Variants in SLC39A14 observed in about 807,000 individuals in gnomAD.
SLC39A14 encodes solute carrier family 39 member 14.
SLC39A14 carries 19 observed loss-of-function variants against 45.5 expected under a neutral mutation model. That is an observed-to-expected ratio of 0.42 (90% CI 0.29 to 0.61). The LOEUF (loss-of-function observed/expected upper bound fraction) is 0.61, where lower values mean the gene tolerates loss of function less well. Among genes scored for constraint, SLC39A14 ranks in the 20% least tolerant of loss-of-function variants. SLC39A14 has a pLI of 0.22. For missense variants in SLC39A14, 447 were observed against 616.5 expected (o/e 0.73, Z 2.91); for synonymous variants, 264 against 251.3 (o/e 1.05, Z -0.48).
intron 2 of SLC39A14, among the ~76,000 whole-genome samples, chr8:22,407,361 T>C (rs1835284508): frequency 6.6e-6 from 1 of 152,096 alleles, no homozygotes; most frequent in Non-Finnish European, 1.5e-5. Flanking sequence ...GGTGTTTTCT[T>C]TCTCTTTTGT....
intron 1 of SLC39A14, among the ~76,000 whole-genome samples, chr8:22,388,402 A>C (rs1487071169): frequency 1.3e-5 from 2 of 151,810 alleles, no homozygotes; most frequent in African/African-American, 4.8e-5. Context: ...GAGGGGTAGG[A>C]CATTTCAGAT....
intron 1 of SLC39A14, among the ~76,000 whole-genome samples, chr8:22,397,556 C>T (rs547146332): frequency 2.6e-5 from 4 of 151,296 alleles, no homozygotes; most frequent in East Asian, 3.9e-4. Flanking sequence ...CCGGCCTGGG[C>T]GAAAGAGCGG....
In SLC39A14 at chr8:22,422,566, T is replaced by C. The variant is rs146293554; in HGVS notation, c.*2868T>C. ...ACAGTTCTGCAGTTCCATCACAGTA[T>C]TTTTTTAAATAACTCAGGTGTATGA... On this transcript the variant is annotated 3_prime_UTR_variant, in exon 9 of 9. Coordinates refer to ENST00000381237, the MANE Select transcript of SLC39A14 (RefSeq NM_001128431.4). 2.0e-4 allele frequency: 195 copies of C among 984,610 alleles called. No individual in the cohort carries two copies. In the African/African-American group the frequency reaches 3.1e-3, roughly 15 times the overall value. The allele number at this position is 984,610 out of a possible 1,614,324, so 61.0% of individuals were successfully genotyped here.
At chr8:22,381,797 C>T (rs1833527984) in intron 1 of SLC39A14, among the ~76,000 whole-genome samples, 1 of 152,092 alleles carries the variant, frequency 6.6e-6, no homozygotes, top group South Asian at 2.1e-4. Flanking sequence ...AGGTTAATAT[C>T]TTGCCATATA....
intron 8 of SLC39A14, among the ~76,000 whole-genome samples, chr8:22,418,659 G>T (rs569607724): frequency 6.6e-6 from 1 of 151,938 alleles, no homozygotes. Context: ...AGTCTCCCAA[G>T]CAGCTAGGAC....
intron 1 of SLC39A14, among the ~76,000 whole-genome samples, chr8:22,398,491 A>G (rs1190825954): frequency 2.0e-5 from 3 of 151,718 alleles, no homozygotes; most frequent in Middle Eastern, 3.4e-3. Flanking sequence ...TTCTGCGCCC[A>G]GAATCTGAGA....
intron 1 of SLC39A14, among the ~76,000 whole-genome samples, chr8:22,378,792 T>C (rs570773136): frequency 3.9e-5 from 6 of 152,316 alleles, no homozygotes; most frequent in African/African-American, 1.4e-4. Context: ...GTCCCGCCCA[T>C]ACACAGCAAT....
At chr8:22,410,069 C>G in intron 3 of SLC39A14, 8 of 1,614,180 alleles carry the variant, frequency 5.0e-6, no homozygotes, top group Non-Finnish European at 6.8e-6. Context: ...ATCGCCCTGT[C>G]CATTGGAACG....
intron 1 of SLC39A14, among the ~76,000 whole-genome samples, chr8:22,371,414 C>CTTTTTTTTTTTTTTTT (rs373230777): frequency 8.3e-6 from 1 of 120,050 alleles, no homozygotes; most frequent in Non-Finnish European, 2.0e-5. Context: ...AAATACATGT[C>CTTTTTTTTTTTTTTTT]TTTTTTTTTT....
intron 1 of SLC39A14, among the ~76,000 whole-genome samples, chr8:22,380,674 GTT>G (rs34669235): frequency 6.8e-6 from 1 of 147,580 alleles, no homozygotes. Context: ...TTCCATTCCT[GTT>G]TTTTTTTTTT....
intron 1 of SLC39A14, among the ~76,000 whole-genome samples, chr8:22,377,590 C>G (rs891176509): frequency 6.6e-6 from 1 of 152,122 alleles, no homozygotes; most frequent in Admixed American, 6.6e-5. Flanking sequence ...TCAAAAAGTT[C>G]GTTTTATTTT....
chr8:22,401,633 C>T lies in SLC39A14; in HGVS notation c.-15-3063C>T, dbSNP rs144490879. Among the ~76,000 whole-genome samples, 1,051 of 142,420 alleles carry T rather than the reference C, an allele frequency of 7.4e-3. 10 individuals carry two copies. The highest frequency in any genetic ancestry group is 0.025 in the African/African-American group (980 of 39,612). 93.4% of individuals were successfully genotyped at this position (142,420 alleles called of 152,430 possible). ...CACTATCTCGGCTCACTGCAAGCTCCACCTCCTGGGTTCAAGTGACTCTCC... is the reference window on the plus strand; with the variant it reads ...CACTATCTCGGCTCACTGCAAGCTCTACCTCCTGGGTTCAAGTGACTCTCC... On this transcript the variant is annotated intron_variant, in intron 1 of 8. Transcript: ENST00000381237.
At chr8:22,416,613 T>G (rs1835899505) in intron 7 of SLC39A14, among the ~76,000 whole-genome samples, 1 of 151,680 alleles carries the variant, frequency 6.6e-6, no homozygotes. Flanking sequence ...TTTTTTGGAT[T>G]TTTAGTAGAG....
chr8:22,394,826 T>A (rs1834292824), intron 1 of SLC39A14, among the ~76,000 whole-genome samples: 1 of 152,164 alleles, frequency 6.6e-6, no homozygotes, highest in Non-Finnish European at 1.5e-5. Flanking sequence ...CTTTACCAAA[T>A]TGTGTGATGT....
At chr8:22,395,571 T>G (rs1834338602) in intron 1 of SLC39A14, among the ~76,000 whole-genome samples, 1 of 152,240 alleles carries the variant, frequency 6.6e-6, no homozygotes, top group Non-Finnish European at 1.5e-5. Context: ...GTTAAATGAC[T>G]GGCAGAATTT....
chr8:22,407,485 C>T (rs571311242), intron 2 of SLC39A14, among the ~76,000 whole-genome samples: 3 of 151,736 alleles, frequency 2.0e-5, no homozygotes, highest in Admixed American at 6.6e-5. Context: ...CTCAGCCTCC[C>T]GAGTAGCTGG....
Position 22,415,803 on chromosome 8 carries a change from C to T in SLC39A14, c.785C>T (p.Ser262Leu), listed in dbSNP as rs1835839499. The T allele has an allele frequency of 1.2e-6, 2 of 1,613,014 alleles. No individual in the cohort carries two copies. Among genetic ancestry groups the T allele is most frequent in the South Asian group, 1.1e-5 (1 of 90,930 alleles). The change falls in exon 6 of 9, where the codon TCG becomes TTG. Residue 262 changes from serine to leucine, a missense_variant. Physicochemically the swap from Ser to Leu is moderately radical, Grantham distance 145. This residue lies in a region of SLC39A14 where 342 missense variants were observed against 428.1 expected (regional missense o/e 0.80). Transcript: ENST00000381237. Reference sequence around the variant, plus strand: ...GGACACAGCCATTATGCCTCTGAGTCGCTTCCCTCCAAGAAGGACCAGGAG... The same window carrying T: ...GGACACAGCCATTATGCCTCTGAGTTGCTTCCCTCCAAGAAGGACCAGGAG... The part of the protein sequence containing the change: ...HHGHSHYASE[S>L]LPSKKDQEEG...
rs368740801 is a variant in SLC39A14, at chr8:22,399,510, C to G, written c.-15-5186C>G. On this transcript the variant is annotated intron_variant, in intron 1 of 8. Coordinates refer to ENST00000381237, the MANE Select transcript of SLC39A14 (RefSeq NM_001128431.4). ...GCTGGCCAGGCAGGGGGGCTGTGCT[C>G]GCTGAATCTGCACACCCCATGGAGA... is the stretch of plus-strand genomic sequence containing the variant. 1.7e-4 allele frequency among the ~76,000 whole-genome samples: 26 copies of G among 152,280 alleles called. 1 individual carries two copies. The East Asian group carries it at 4.1e-3, about 24-fold the overall frequency.
At chr8:22,382,046 C>A (rs1833542824) in intron 1 of SLC39A14, among the ~76,000 whole-genome samples, 2 of 152,020 alleles carry the variant, frequency 1.3e-5, no homozygotes, top group South Asian at 4.2e-4. Context: ...GAGGCTGAGG[C>A]AGGAGAATCG....
Sources: gnomAD v4.1 joint callset for allele counts (sites outside exome capture counted in the v4.1 genomes callset) on GRCh38, gnomAD v4.1.1 for gene constraint, gnomAD v4.1.1 regional missense constraint, MANE v1.5 for transcripts, NCBI Gene and HGNC (gene_info 2026-07-23, HGNC 2026-07-21) for gene names.